GOLGA1: variants seen among roughly 807,000 people sequenced by gnomAD.
GOLGA1 encodes the protein golgin subfamily A member 1.
In GOLGA1, 63 loss-of-function variants were observed where a neutral mutation model predicts 119.7. The ratio of observed to expected loss-of-function variants is 0.53; its 90% CI spans 0.43 to 0.65. The LOEUF (loss-of-function observed/expected upper bound fraction) is 0.65, where lower values mean the gene tolerates loss of function less well. Among genes scored for constraint, GOLGA1 ranks in the 30% least tolerant of loss-of-function variants. The pLI is 0.00. For missense variants in GOLGA1, 798 were observed against 912.8 expected (o/e 0.87, Z 1.62); for synonymous variants, 318 against 333.4 (o/e 0.95, Z 0.50).
Position 124,888,450 on chromosome 9 carries a change from C to A in GOLGA1, c.1762-54G>T. 1.3e-6 allele frequency: 2 copies of A among 1,553,200 alleles called. No homozygotes were observed. Among genetic ancestry groups the A allele is most frequent in the Non-Finnish European group, 8.9e-7 (1 of 1,126,500 alleles). ...CCAGGACAGGTCAGGTGAAGCTGAGCCACAGGTACACAGGGAAGGGGAGCT... is the reference window on the plus strand; with the variant it reads ...CCAGGACAGGTCAGGTGAAGCTGAGACACAGGTACACAGGGAAGGGGAGCT... On this transcript the variant is annotated intron_variant, in intron 18 of 22. Transcript: ENST00000373555. The surrounding 1 kb of genome is among the most constrained non-coding windows in gnomAD (Gnocchi z 4.4).
chr9:124,920,586 T>C (rs1830545897), intron 10 of GOLGA1, among the ~76,000 whole-genome samples: 1 of 152,052 alleles, frequency 6.6e-6, no homozygotes, highest in Non-Finnish European at 1.5e-5. Flanking sequence ...ACAGCCCTGG[T>C]CATGTCAGCC....
upstream of GOLGA1, chr9:124,942,883 A>G (rs569194921): frequency 3.5e-4 from 53 of 152,246 alleles, no homozygotes; most frequent in Admixed American, 8.5e-4. Flanking sequence ...AGGAGAAAAC[A>G]TTGGAAAGCC....
intron 6 of GOLGA1, among the ~76,000 whole-genome samples, chr9:124,927,249 G>A (rs962422615): frequency 6.6e-6 from 1 of 152,198 alleles, no homozygotes; most frequent in East Asian, 1.9e-4. Flanking sequence ...ATCTGTGTAA[G>A]TCAAAAGAAA....
chr9:124,905,788 G>A (rs976080424), intron 12 of GOLGA1, among the ~76,000 whole-genome samples: 1 of 152,052 alleles, frequency 6.6e-6, no homozygotes, highest in Non-Finnish European at 1.5e-5. Context: ...TTTAAAAAAT[G>A]GCAGTTCTCT....
intron 12 of GOLGA1, among the ~76,000 whole-genome samples, chr9:124,905,320 G>A (rs1320658033): frequency 6.6e-6 from 1 of 151,952 alleles, no homozygotes; most frequent in Non-Finnish European, 1.5e-5. Flanking sequence ...AAATTAGCCA[G>A]GCGTGGAGGC....
At chr9:124,895,335 C>G (rs1223257329) in intron 15 of GOLGA1, among the ~76,000 whole-genome samples, 3 of 148,644 alleles carry the variant, frequency 2.0e-5, no homozygotes, top group South Asian at 2.2e-4. Context: ...AACAGAGACT[C>G]TCCACAACAG....
At chr9:124,905,065 G>A (rs138465497) in intron 12 of GOLGA1, among the ~76,000 whole-genome samples, 1 of 151,184 alleles carries the variant, frequency 6.6e-6, no homozygotes, top group African/African-American at 2.4e-5. Flanking sequence ...AGAATCGCTT[G>A]TGCCTGGGAG....
intron 7 of GOLGA1, among the ~76,000 whole-genome samples, chr9:124,925,366 T>G (rs1163552610): frequency 6.6e-6 from 1 of 152,048 alleles, no homozygotes; most frequent in Non-Finnish European, 1.5e-5. Context: ...AGGATTTTTT[T>G]TTTTTTTTTC....
chr9:124,922,542 C>T (rs974176335), intron 8 of GOLGA1, among the ~76,000 whole-genome samples: 2 of 132,184 alleles, frequency 1.5e-5, no homozygotes, highest in African/African-American at 5.7e-5. Context: ...CAGAGTGAGA[C>T]TCTATCTCAA....
At chr9:124,896,319 A>G (rs181048139) in intron 15 of GOLGA1, among the ~76,000 whole-genome samples, 78 of 152,332 alleles carry the variant, frequency 5.1e-4, no homozygotes, top group African/African-American at 1.8e-3. Context: ...GAGGTGGGGC[A>G]TGAGAACTGC....
intron 3 of GOLGA1, among the ~76,000 whole-genome samples, chr9:124,936,595 C>T (rs189549699): frequency 1.3e-5 from 2 of 151,432 alleles, no homozygotes; most frequent in East Asian, 1.9e-4. Context: ...CATACCACCA[C>T]CAACCAGGCA....
At chr9:124,901,547 A>G (rs142083099) in intron 12 of GOLGA1, among the ~76,000 whole-genome samples, 5,388 of 68,276 alleles carry the variant, frequency 0.079, 116 homozygotes, top group Admixed American at 0.12. Flanking sequence ...TGATTCTCCT[A>G]CCTCAGCCTC....
chr9:124,886,438 G>T (rs1249553445), intron 19 of GOLGA1, among the ~76,000 whole-genome samples: 1 of 152,192 alleles, frequency 6.6e-6, no homozygotes, highest in Admixed American at 6.5e-5. Flanking sequence ...ATTAGGAACT[G>T]CCTTCTGGAT....
Position 124,880,301 on chromosome 9 carries a change from G to T in GOLGA1, c.*229C>A. The T allele has an allele frequency of 2.4e-6, 1 of 409,918 alleles. No individual in the cohort carries two copies. The highest frequency in any genetic ancestry group is 4.6e-6 in the Non-Finnish European group (1 of 216,248). The allele number at this position is 409,918 out of a possible 1,614,324, so 25.4% of individuals were successfully genotyped here. The stretch of plus-strand genomic sequence containing the variant: ...GATATTAGCAGCACTGTGGAAATCT[G>T]GGTAGTGCCAGGACCCTCCTGTTTG... On this transcript the variant is annotated 3_prime_UTR_variant, in exon 23 of 23. Transcript: ENST00000373555.
At chr9:124,897,038 C>T (rs1829999972) in intron 15 of GOLGA1, among the ~76,000 whole-genome samples, 1 of 152,196 alleles carries the variant, frequency 6.6e-6, no homozygotes, top group Non-Finnish European at 1.5e-5. Context: ...GCCACACTGG[C>T]CTCTGTGCTA....
At chr9:124,921,270 A>C in intron 9 of GOLGA1, 30 bp from the exon 10 acceptor site, 3 of 1,267,578 alleles carry the variant, frequency 2.4e-6, no homozygotes, top group Middle Eastern at 1.8e-4. Context: ...ACAATGAACA[A>C]ATTTGGATAT....
rs756320552 is a variant in GOLGA1, at chr9:124,880,207, GGCTTCAGCTGTAAGTGCTA to G, written c.*304_*322del. 39 of 220,364 alleles carry G rather than the reference GGCTTCAGCTGTAAGTGCTA, an allele frequency of 1.8e-4. No individual in the cohort carries two copies. The highest frequency in any genetic ancestry group is 3.5e-4 in the Non-Finnish European group (37 of 107,032). 13.7% of individuals were successfully genotyped at this position (220,364 alleles called of 1,614,324 possible). On this transcript the variant is annotated 3_prime_UTR_variant, in exon 23 of 23. Coordinates refer to ENST00000373555, the MANE Select transcript of GOLGA1 (RefSeq NM_002077.4). ...TCAGGTGTGCCTGCCAGATGCTGAT[GGCTTCAGCTGTAAGTGCTA>G]CCGTGAAGTTAGAGGATTCAGGTGC... is the stretch of plus-strand genomic sequence containing the variant.
intron 7 of GOLGA1, among the ~76,000 whole-genome samples, chr9:124,925,375 T>C (rs1378320246): frequency 2.1e-5 from 3 of 139,698 alleles, no homozygotes; most frequent in South Asian, 2.3e-4. Context: ...TTTTTTTTTT[T>C]CAAGCACAGG....
In GOLGA1 at chr9:124,938,682, T is replaced by C. The variant is rs201790344; in HGVS notation, c.30A>G (p.Ala10=). The change falls in exon 3 of 23, where the codon GCA becomes GCG. Residue 10 remains alanine (A), a synonymous_variant. Coordinates refer to ENST00000373555, the MANE Select transcript of GOLGA1 (RefSeq NM_002077.4). The part of the protein sequence containing the change: MFAKLKKKI[A]EETAVAQRPG... ...GCCTCTGAGCAACAGCAGTCTCTTC[T>C]GCAATTTTCTTCTTCAGTTTTGCAA... 5 of 1,613,620 alleles carry C rather than the reference T, an allele frequency of 3.1e-6. No homozygotes were observed. The highest frequency in any genetic ancestry group is 2.2e-5 in the East Asian group (1 of 44,876).
Sources: gnomAD v4.1 joint callset for allele counts (sites outside exome capture counted in the v4.1 genomes callset) on GRCh38, gnomAD v4.1.1 for gene constraint, Gnocchi (gnomAD v3.1) non-coding constraint, MANE v1.5 for transcripts, NCBI Gene and HGNC (gene_info 2026-07-23, HGNC 2026-07-21) for gene names.